The following SASS6 variants were observed in gnomAD, a reference collection of about 807,000 sequenced individuals.
SASS6 encodes the protein SAS-6 centriolar assembly protein.
A neutral mutation model predicts 94.9 loss-of-function variants in SASS6; 59 were observed. The ratio of observed to expected loss-of-function variants is 0.62; its 90% confidence interval spans 0.50 to 0.77. The LOEUF (loss-of-function observed/expected upper bound fraction) is 0.77. Among genes scored for constraint, SASS6 ranks in the 30% least tolerant of loss-of-function variants. SASS6 has a pLI of 0.00. For missense variants in SASS6, 698 were observed against 734.1 expected (o/e 0.95, Z 0.57); for synonymous variants, 264 against 270.0 (o/e 0.98, Z 0.22).
intron 14 of SASS6, among the ~76,000 whole-genome samples, chr1:100,100,718 CA>C (rs1338300981): frequency 1.3e-5 from 2 of 152,120 alleles, no homozygotes; most frequent in African/African-American, 2.4e-5. Context: ...TCAGGAAGAT[CA>C]CAGGTTCAAC....
At chr1:100,111,978 T>C (rs1308239697) in intron 7 of SASS6, among the ~76,000 whole-genome samples, 1 of 152,080 alleles carries the variant, frequency 6.6e-6, no homozygotes, top group Non-Finnish European at 1.5e-5. Context: ...TTGGAGATTT[T>C]TGTTTAAAAA....
intron 14 of SASS6, among the ~76,000 whole-genome samples, chr1:100,094,658 G>A (rs761009881): frequency 5.9e-5 from 9 of 152,008 alleles, no homozygotes; most frequent in Admixed American, 1.3e-4. Flanking sequence ...CTTGAGCTCA[G>A]AAGTTCAAGA....
chr1:100,111,260 T>C (rs1402385346), intron 7 of SASS6, among the ~76,000 whole-genome samples: 1 of 152,074 alleles, frequency 6.6e-6, no homozygotes, highest in African/African-American at 2.4e-5. Flanking sequence ...ATACTTATAT[T>C]GACATCCACA....
chr1:100,122,591 C>T (rs1478764618), intron 3 of SASS6, 107 bp from the exon 4 acceptor site: 1 of 438,722 alleles, frequency 2.3e-6, no homozygotes, highest in Non-Finnish European at 3.8e-6. Flanking sequence ...CTCACTCCAT[C>T]ACCCAGGCTG....
Position 100,120,300 on chromosome 1 carries a change from A to T in SASS6, c.549+94T>A, listed in dbSNP as rs1654082677. ...GGAAATTCAACGGAAGCATGCTTTG[A>T]AAGAAAATACATAAAAGCTTGGAAC... On this transcript the variant is annotated intron_variant, in intron 6 of 16. Transcript: ENST00000287482. 4.5e-6 allele frequency: 3 copies of T among 670,848 alleles called. No individual in the cohort carries two copies. The African/African-American group carries it at 5.4e-5, about 12-fold the overall frequency. The allele number at this position is 670,848 out of a possible 1,614,324, so 41.6% of individuals were successfully genotyped here. A position where few individuals can be genotyped will look rare whatever the true frequency, so the allele number is the denominator to read the frequency against.
At chr1:100,132,168 C>T (rs1038247336) in intron 1 of SASS6, among the ~76,000 whole-genome samples, 1 of 152,140 alleles carries the variant, frequency 6.6e-6, no homozygotes, top group African/African-American at 2.4e-5. Context: ...AGGTGTTTTA[C>T]AAGGAGGCAA....
At chr1:100,126,177 G>T (rs548432732) in intron 1 of SASS6, among the ~76,000 whole-genome samples, 2 of 152,316 alleles carry the variant, frequency 1.3e-5, no homozygotes, top group Admixed American at 1.3e-4. Context: ...GTAAAATGGG[G>T]ATATCGTGAG....
chr1:100,107,920 G>C lies in SASS6; in HGVS notation c.946C>G (p.His316Asp). ...ACTTTTGTTTGTAGCTGATTAACGT[G>C]CTTTTCTTTCTCGTGGCATTCAACA... ...LDVECHEKEKHVNQLQTKVAV... is the reference protein window; with the variant it reads ...LDVECHEKEKDVNQLQTKVAV... Residue 316 changes from histidine (H) to aspartate (D), a missense_variant, in exon 9 of 17, where the codon CAC becomes GAC. By Grantham distance (81) the His-to-Asp change is moderately conservative (BLOSUM62 -1). Transcript: ENST00000287482. The C allele has an allele frequency of 1.2e-6, 2 of 1,611,942 alleles. No homozygotes were observed. Among genetic ancestry groups the C allele is most frequent in the Non-Finnish European group, 1.7e-6 (2 of 1,178,370 alleles).
intron 1 of SASS6, 45 bp downstream of exon 1, chr1:100,132,705 T>G: frequency 6.6e-7 from 1 of 1,522,718 alleles, no homozygotes. Flanking sequence ...CCCATTGGCC[T>G]GACCCCAACC....
chr1:100,113,086 T>C (rs1173112038), intron 7 of SASS6, among the ~76,000 whole-genome samples: 1 of 152,178 alleles, frequency 6.6e-6, no homozygotes, highest in East Asian at 1.9e-4. Flanking sequence ...AACTTTCAGA[T>C]CTAACTTGTT....
Position 100,127,574 on chromosome 1 carries a change from C to T in SASS6, c.66-1632G>A, listed in dbSNP as rs146241304. ...GTTTTCTGAAAAGGAACAAGAAGCA[C>T]TGGTTTACACCAGAGAGAGGAAGAA... On this transcript the variant is annotated intron_variant, in intron 1 of 16. Transcript: ENST00000287482. 5.6e-3 allele frequency among the ~76,000 whole-genome samples: 853 copies of T among 152,314 alleles called. 8 individuals carry two copies. The highest frequency in any genetic ancestry group is 0.02 in the African/African-American group (820 of 41,580).
intron 7 of SASS6, among the ~76,000 whole-genome samples, chr1:100,117,534 T>A (rs1487379712): frequency 6.6e-6 from 1 of 151,794 alleles, no homozygotes; most frequent in African/African-American, 2.4e-5. Flanking sequence ...GCGCCTGTAA[T>A]CCCAATTACT....
At position 100,107,522 on chromosome 1, in the gene SASS6, T is replaced by A. The variant is rs774459953; in HGVS notation, c.1178A>T (p.Asp393Val). The A allele has an allele frequency of 3.1e-6, 5 of 1,606,350 alleles. No homozygotes were observed. Among genetic ancestry groups the A allele is most frequent in the Non-Finnish European group, 4.3e-6 (5 of 1,174,626 alleles). The change falls in exon 11 of 17, where the codon GAT becomes GTT. Residue 393 changes from aspartate (D) to valine (V), a missense_variant. Physicochemically the swap from Asp to Val is radical, Grantham distance 152. Coordinates refer to ENST00000287482, the MANE Select transcript of SASS6 (RefSeq NM_194292.3). ...CAACTTACCCATTAAAGTTTTCAGA[T>A]CCCCTTGTAACTTCTTGATAATTTC... ...ANEIIKKLQGDLKTLMGKLKL... is the reference protein window; with the variant it reads ...ANEIIKKLQGVLKTLMGKLKL...
chr1:100,132,865 C>T lies in SASS6; in HGVS notation c.-51G>A. 6.5e-7 allele frequency: 1 copy of T among 1,543,174 alleles called. No individual in the cohort carries two copies. Among genetic ancestry groups the T allele is most frequent in the Non-Finnish European group, 9.0e-7 (1 of 1,116,098 alleles). ...GCAGAAAAGCCCAACAGGCCCGGCC[C>T]TCGGGATTAGCCTGAGAGGTCCGGG... is the stretch of plus-strand genomic sequence containing the variant. On this transcript the variant is annotated 5_prime_UTR_variant, in exon 1 of 17. Coordinates refer to ENST00000287482, the MANE Select transcript of SASS6 (RefSeq NM_194292.3).
chr1:100,090,431 GA>G (rs371358419), intron 14 of SASS6, among the ~76,000 whole-genome samples: 11 of 152,206 alleles, frequency 7.2e-5, no homozygotes, highest in African/African-American at 2.4e-4. Flanking sequence ...GCTGAGATAT[GA>G]AAAAAGAAAC....
chr1:100,111,861 A>G (rs1157175423), intron 7 of SASS6, among the ~76,000 whole-genome samples: 2 of 152,140 alleles, frequency 1.3e-5, no homozygotes, highest in African/African-American at 4.8e-5. Context: ...ACTGGTAAAG[A>G]TGCTAACTGT....
chr1:100,131,625 A>AT (rs1655038271), intron 1 of SASS6, among the ~76,000 whole-genome samples: 1 of 152,210 alleles, frequency 6.6e-6, no homozygotes, highest in African/African-American at 2.4e-5. Flanking sequence ...ACTGGACAGC[A>AT]TTAAAAGAAT....
intron 1 of SASS6, among the ~76,000 whole-genome samples, chr1:100,129,137 A>G (rs969516775): frequency 6.6e-5 from 10 of 152,210 alleles, no homozygotes; most frequent in African/African-American, 2.4e-4. Flanking sequence ...GTACTCTGGA[A>G]GCTGAAGCAG....
chr1:100,125,222 AGTGT>A lies in SASS6; in HGVS notation c.126+656_126+659del, dbSNP rs59388922. Among the ~76,000 whole-genome samples the A allele has an allele frequency of 5.8e-3, 838 of 143,662 alleles. 12 individuals carry two copies. Among genetic ancestry groups the A allele is most frequent in the African/African-American group, 0.016 (613 of 39,098 alleles). The allele number at this position is 143,662 out of a possible 152,430, so 94.2% of individuals were successfully genotyped here. Reference sequence around the variant, plus strand: ...TGAAATGCCAATTCTACAAGGCAGCAGTGTGTGTGTGTGTGTGTGTGTGTGTGTG... The same window carrying A: ...TGAAATGCCAATTCTACAAGGCAGCAGTGTGTGTGTGTGTGTGTGTGTGTG... On this transcript the variant is annotated intron_variant, in intron 2 of 16. Coordinates refer to ENST00000287482, the MANE Select transcript of SASS6 (RefSeq NM_194292.3).
Sources: gnomAD v4.1 joint callset for allele counts (sites outside exome capture counted in the v4.1 genomes callset) on GRCh38, gnomAD v4.1.1 for gene constraint, MANE v1.5 for transcripts, NCBI Gene and HGNC (gene_info 2026-07-23, HGNC 2026-07-21) for gene names.